PDE1C: variants seen among roughly 807,000 people sequenced by gnomAD.
PDE1C encodes phosphodiesterase 1C.
PDE1C carries 62 observed loss-of-function variants against 93.1 expected under a neutral mutation model. The ratio of observed to expected loss-of-function variants is 0.67; its 90% CI spans 0.54 to 0.82. The LOEUF (loss-of-function observed/expected upper bound fraction) is 0.82, where lower values mean the gene tolerates loss of function less well. Ranked by LOEUF, PDE1C falls within the 40% of genes least tolerant of loss-of-function variation. The pLI, the probability that PDE1C is intolerant of heterozygous loss-of-function variation, is 0.00. For synonymous variants in PDE1C, 325 were observed against 310.1 expected, an observed-to-expected ratio of 1.05 and a Z score of -0.50; for missense variants, 742 against 884.6, an observed-to-expected ratio of 0.84 and a Z score of 2.04.
intron 2 of PDE1C, among the ~76,000 whole-genome samples, chr7:31,914,424 A>T (rs1391507964): frequency 6.6e-6 from 1 of 152,214 alleles, no homozygotes; most frequent in East Asian, 1.9e-4. Flanking sequence ...AAATGTTAAC[A>T]TATACCTTGA....
At chr7:31,722,513 A>G in the PDE1C span, among the ~76,000 whole-genome samples, 49,029 of 151,986 alleles carry the variant, frequency 0.32, 8,895 homozygotes, top group East Asian at 0.63. Flanking sequence ...GTATTCATAC[A>G]CGCTTATACT....
chr7:32,277,232 G>C (rs1175302967), intron 1 of PDE1C, among the ~76,000 whole-genome samples: 3 of 152,150 alleles, frequency 2.0e-5, no homozygotes, highest in African/African-American at 7.2e-5. Flanking sequence ...CTGGGTGATG[G>C]AGCAAGACCC....
intron 15 of PDE1C, among the ~76,000 whole-genome samples, chr7:31,813,136 T>C (rs1787754856): frequency 6.6e-6 from 1 of 152,166 alleles, no homozygotes; most frequent in Admixed American, 6.6e-5. Context: ...AAGACATTTC[T>C]AACCCACTCT....
intron 9 of PDE1C, among the ~76,000 whole-genome samples, chr7:31,840,051 AAAG>A (rs1351822825): frequency 6.6e-6 from 1 of 152,154 alleles, no homozygotes; most frequent in Non-Finnish European, 1.5e-5. Flanking sequence ...AAAAAAGAAA[AAAG>A]AAACTGCCAA....
At chr7:32,035,948 C>T (rs1002776325) in intron 2 of PDE1C, among the ~76,000 whole-genome samples, 9 of 152,112 alleles carry the variant, frequency 5.9e-5, no homozygotes, top group African/African-American at 1.9e-4. Flanking sequence ...TCTTGACCCC[C>T]TTGGATAATG....
intron 13 of PDE1C, among the ~76,000 whole-genome samples, 179 bp downstream of exon 13, chr7:31,824,688 A>G (rs965460971): frequency 2.6e-5 from 4 of 152,104 alleles, no homozygotes; most frequent in Admixed American, 2.0e-4. Context: ...TTTAGCCTGG[A>G]GAGTACGGAT....
chr7:31,655,994 C>T, the PDE1C span: 3 of 985,366 alleles, frequency 3.0e-6, no homozygotes, highest in Non-Finnish European at 3.6e-6. Flanking sequence ...TCCTGTGTTC[C>T]TGCTTCCTCT....
chr7:31,854,366 A>C (rs924419993), intron 7 of PDE1C, among the ~76,000 whole-genome samples: 1 of 152,198 alleles, frequency 6.6e-6, no homozygotes, highest in Non-Finnish European at 1.5e-5. Context: ...ATGTCAACCC[A>C]TAAGAAGTCA....
chr7:32,139,352 G>A (rs1370222744), intron 3 of PDE1C, among the ~76,000 whole-genome samples: 1 of 135,496 alleles, frequency 7.4e-6, no homozygotes, highest in African/African-American at 2.7e-5. Context: ...ACATTGCCCA[G>A]GCTGGTCTCA....
the PDE1C span, among the ~76,000 whole-genome samples, chr7:31,676,717 T>G: frequency 6.6e-6 from 1 of 152,080 alleles, no homozygotes; most frequent in South Asian, 2.1e-4. Flanking sequence ...TTTAATGGGT[T>G]AGAAAACAGA....
chr7:32,251,990 C>T (rs1809425827), intron 1 of PDE1C, among the ~76,000 whole-genome samples: 2 of 152,206 alleles, frequency 1.3e-5, no homozygotes, highest in African/African-American at 4.8e-5. Context: ...AACTGATAGA[C>T]AACCCTGAAT....
intron 2 of PDE1C, among the ~76,000 whole-genome samples, chr7:31,966,917 C>A (rs938571093): frequency 1.3e-5 from 2 of 151,948 alleles, no homozygotes; most frequent in South Asian, 4.1e-4. Flanking sequence ...CCAATGAGAA[C>A]AAAGACACAA....
the PDE1C span, among the ~76,000 whole-genome samples, chr7:31,712,568 G>A: frequency 2.0e-5 from 3 of 152,294 alleles, no homozygotes; most frequent in Admixed American, 2.0e-4. Context: ...AGTCAGTAGA[G>A]GCAGAGACAG....
intron 2 of PDE1C, among the ~76,000 whole-genome samples, chr7:32,016,574 C>T (rs1487721762): frequency 6.6e-6 from 1 of 151,996 alleles, no homozygotes. Flanking sequence ...TACATCAGAA[C>T]ATTGTTTATA....
At chr7:32,282,512 G>A (rs550696901) in intron 1 of PDE1C, among the ~76,000 whole-genome samples, 89 of 7,586 alleles carry the variant, frequency 0.012, no homozygotes, top group South Asian at 0.042. Flanking sequence ...ATAGATAGAT[G>A]GTCAATTAAC....
intron 16 of PDE1C, among the ~76,000 whole-genome samples, chr7:31,807,917 A>C (rs920833278): frequency 6.6e-6 from 1 of 150,486 alleles, no homozygotes; most frequent in African/African-American, 2.5e-5. Context: ...TTCCATTTGC[A>C]TAAGCACATT....
chr7:32,340,747 C>T (rs1278994416), intron 1 of PDE1C, among the ~76,000 whole-genome samples: 1 of 151,944 alleles, frequency 6.6e-6, no homozygotes, highest in South Asian at 2.1e-4. Context: ...TATGAAAATG[C>T]TAAATACTAT....
chr7:32,023,847 C>A (rs1477658896), intron 2 of PDE1C, among the ~76,000 whole-genome samples: 1 of 152,046 alleles, frequency 6.6e-6, no homozygotes, highest in Non-Finnish European at 1.5e-5. Flanking sequence ...GGTAATTACA[C>A]AGGGCTACAC....
chr7:32,072,327 G>C (rs1228088104), upstream of PDE1C, among the ~76,000 whole-genome samples: 3 of 152,202 alleles, frequency 2.0e-5, no homozygotes, highest in Non-Finnish European at 4.4e-5. Context: ...AGCCTTTTAA[G>C]GTTTATGGAG....
Sources: allele counts gnomAD v4.1 joint callset (sites outside exome capture counted in the v4.1 genomes callset), GRCh38; gene constraint gnomAD v4.1.1; transcripts MANE v1.5; gene names NCBI Gene and HGNC (gene_info 2026-07-23, HGNC 2026-07-21).